Variants in GMNN observed in about 807,000 individuals in gnomAD.
The protein encoded by GMNN is geminin.
In GMNN, 14 loss-of-function variants were observed where a neutral mutation model predicts 20.9. The ratio of observed to expected loss-of-function variants is 0.67; its 90% CI spans 0.44 to 1.05. The LOEUF (loss-of-function observed/expected upper bound fraction) is 1.05, where lower values mean the gene tolerates loss of function less well. GMNN is among the 50% of genes least tolerant of loss of function. The pLI is 0.00. For synonymous variants in GMNN, 81 were observed against 85.8 expected, an observed-to-expected ratio of 0.94 and a Z score of 0.31; for missense variants, 227 against 243.8, an observed-to-expected ratio of 0.93 and a Z score of 0.46.
chr6:24,776,957 G>C (rs949530936), intron 1 of GMNN: 1 of 219,928 alleles, frequency 4.5e-6, no homozygotes, highest in African/African-American at 2.3e-5. Context: ...AATATGTTTA[G>C]AAATTTTAAA....
intron 3 of GMNN, 88 bp from the exon 4 acceptor site, chr6:24,781,389 C>T: frequency 3.7e-6 from 3 of 814,444 alleles, no homozygotes; most frequent in Non-Finnish European, 5.9e-6. Flanking sequence ...GATATGCGTA[C>T]TCTTTTTTTA....
At chr6:24,776,473 G>A (rs1283240342) in intron 1 of GMNN, among the ~76,000 whole-genome samples, 1 of 152,214 alleles carries the variant, frequency 6.6e-6, no homozygotes, top group African/African-American at 2.4e-5. Context: ...GCACATGTGT[G>A]TGCACGCGCC....
In GMNN at chr6:24,784,911, A is replaced by G. The variant is rs555575281; in HGVS notation, c.468+357A>G. ...CATATTTTTTGGTAGAGTTATTAAAAGGAATTATCCCTGGAAAATATGTAT... is the reference window on the plus strand; with the variant it reads ...CATATTTTTTGGTAGAGTTATTAAAGGGAATTATCCCTGGAAAATATGTAT... On this transcript the variant is annotated intron_variant, in intron 6 of 6. Coordinates refer to ENST00000230056, the MANE Select transcript of GMNN (RefSeq NM_015895.5). Among the ~76,000 whole-genome samples, 11 of 152,310 alleles carry G rather than the reference A, an allele frequency of 7.2e-5. No homozygotes were observed. The East Asian group carries it at 1.9e-3, about 27-fold the overall frequency.
At chr6:24,781,404 A>C in intron 3 of GMNN, 73 bp from the exon 4 acceptor site, 1 of 988,512 alleles carries the variant, frequency 1.0e-6, no homozygotes, top group Non-Finnish European at 1.5e-6. Flanking sequence ...TTTTTAATAC[A>C]TAAATGAAAA....
intron 2 of GMNN, among the ~76,000 whole-genome samples, chr6:24,779,161 T>C (rs991235475): frequency 6.6e-6 from 1 of 152,212 alleles, no homozygotes; most frequent in Non-Finnish European, 1.5e-5. Flanking sequence ...GTGAATTTTT[T>C]TGGGGAGAGG....
Position 24,775,166 on chromosome 6 carries a change from G to C in GMNN, c.-104G>C, listed in dbSNP as rs1203447780. Reference sequence around the variant, plus strand: ...GGTACGCAGGGGCGCAAGGCGCACAGCCTCTAGACGACTCGCTTTCCCTCC... The same window carrying C: ...GGTACGCAGGGGCGCAAGGCGCACACCCTCTAGACGACTCGCTTTCCCTCC... On this transcript the variant is annotated 5_prime_UTR_variant, in exon 1 of 7. Transcript: ENST00000230056. 5 of 152,450 alleles carry C rather than the reference G, an allele frequency of 3.3e-5. No homozygotes were observed. In the East Asian group the frequency reaches 9.6e-4, roughly 29 times the overall value. The allele number at this position is 152,450 out of a possible 1,614,324, so 9.4% of individuals were successfully genotyped here. A position where few individuals can be genotyped will look rare whatever the true frequency, so the allele number is the denominator to read the frequency against.
At chr6:24,780,553 C>A in intron 2 of GMNN, 110 bp from the exon 3 acceptor site, 1 of 613,994 alleles carries the variant, frequency 1.6e-6, no homozygotes, top group Admixed American at 2.5e-5. Context: ...GTTCCTTTTC[C>A]ACCCCTAAAT....
intron 4 of GMNN, among the ~76,000 whole-genome samples, 164 bp from the exon 5 acceptor site, chr6:24,783,923 T>C (rs773533449): frequency 6.6e-6 from 1 of 152,146 alleles, no homozygotes; most frequent in South Asian, 2.1e-4. Context: ...CTTGGAAATG[T>C]TGGGGAAAAT....
At chr6:24,784,243 A>G (rs1780292009) in intron 5 of GMNN, 74 bp downstream of exon 5, 1 of 828,528 alleles carries the variant, frequency 1.2e-6, no homozygotes, top group African/African-American at 1.7e-5. Context: ...ATTTTATTAG[A>G]GCAATATGGG....
chr6:24,777,742 T>C (rs1780111949), intron 2 of GMNN: 1 of 152,248 alleles, frequency 6.6e-6, no homozygotes, highest in Non-Finnish European at 1.5e-5. Context: ...TCTTCAGGAT[T>C]TTCTTTTCTT....
chr6:24,783,574 T>C (rs926509575), intron 4 of GMNN, among the ~76,000 whole-genome samples: 2 of 152,128 alleles, frequency 1.3e-5, no homozygotes. Context: ...ATCTGATAGA[T>C]AGCATCTTAA....
intron 3 of GMNN, among the ~76,000 whole-genome samples, chr6:24,781,190 C>T (rs933084931): frequency 4.0e-5 from 6 of 151,026 alleles, no homozygotes; most frequent in South Asian, 4.2e-4. Context: ...GGTGACAGAG[C>T]GAGACTCTAA....
rs1562190587 is a variant in GMNN, at chr6:24,777,240, C to T, written c.-7C>T. 1.5e-6 allele frequency: 2 copies of T among 1,361,800 alleles called. No individual in the cohort carries two copies. Among genetic ancestry groups the T allele is most frequent in the Non-Finnish European group, 2.0e-6 (2 of 984,414 alleles). 84.4% of individuals were successfully genotyped at this position (1,361,800 alleles called of 1,614,324 possible). ...TTACTAGTCTTCTGTGCTTCACCAT[C>T]TACATAATGAATCCCAGTATGAAGC... On this transcript the variant is annotated 5_prime_UTR_variant, in exon 2 of 7. Transcript: ENST00000230056.
At chr6:24,783,772 T>TTGATC (rs1254827395) in intron 4 of GMNN, among the ~76,000 whole-genome samples, 1 of 152,056 alleles carries the variant, frequency 6.6e-6, no homozygotes, top group Non-Finnish European at 1.5e-5. Flanking sequence ...TACAAAATAA[T>TTGATC]TGATCTGGAC....
At chr6:24,776,733 C>G (rs1192554376) in intron 1 of GMNN, 1 of 152,212 alleles carries the variant, frequency 6.6e-6, no homozygotes, top group Non-Finnish European at 1.5e-5. Context: ...TCCTTCAGTT[C>G]ATGTTACTGG....
At chr6:24,782,019 C>T (rs765707482) in intron 4 of GMNN, among the ~76,000 whole-genome samples, 2 of 151,578 alleles carry the variant, frequency 1.3e-5, no homozygotes, top group African/African-American at 2.4e-5. Context: ...AGTTTGTGGC[C>T]GCAATAAGCT....
intron 6 of GMNN, 124 bp downstream of exon 6, chr6:24,784,678 C>T: frequency 3.9e-6 from 2 of 512,538 alleles, no homozygotes; most frequent in Non-Finnish European, 7.1e-6. Flanking sequence ...TAAGACTTAA[C>T]TTCCTTCCTA....
Position 24,785,870 on chromosome 6 carries a change from T to A in GMNN, c.*71T>A. ...CCTCCACTAGTTCTTTGTAGCAGAG[T>A]ACATAACTACATAATGCCAACTCTG... is the stretch of plus-strand genomic sequence containing the variant. On this transcript the variant is annotated 3_prime_UTR_variant, in exon 7 of 7. Transcript: ENST00000230056. 1.2e-6 allele frequency: 1 copy of A among 849,886 alleles called. No individual in the cohort carries two copies. The highest frequency in any genetic ancestry group is 1.9e-6 in the Non-Finnish European group (1 of 535,292). The allele number at this position is 849,886 out of a possible 1,614,324, so 52.6% of individuals were successfully genotyped here.
At chr6:24,777,191 G>A (rs1318695035) in intron 1 of GMNN, 31 bp from the exon 2 acceptor site, 2 of 699,772 alleles carry the variant, frequency 2.9e-6, no homozygotes, top group African/African-American at 1.9e-5. Context: ...CACCTTCGGG[G>A]GTGCAAACCA....
Sources: gnomAD v4.1 joint callset for allele counts (sites outside exome capture counted in the v4.1 genomes callset) on GRCh38, gnomAD v4.1.1 for gene constraint, MANE v1.5 for transcripts, NCBI Gene and HGNC (gene_info 2026-07-23, HGNC 2026-07-21) for gene names.